SUGCT: variants seen among roughly 807,000 people sequenced by gnomAD.
The protein encoded by SUGCT is succinyl-CoA:glutarate-CoA transferase.
In SUGCT, 41 loss-of-function variants were observed where a neutral mutation model predicts 55.0. The observed-to-expected ratio is 0.74, with a 90% confidence interval of 0.58 to 0.97. The LOEUF (loss-of-function observed/expected upper bound fraction) is 0.97. Ranked by LOEUF, SUGCT falls within the 50% of genes least tolerant of loss-of-function variation. The pLI, the probability that SUGCT is intolerant of heterozygous loss-of-function variation, is 0.00. For synonymous variants in SUGCT, 187 were observed against 200.4 expected (o/e 0.93, Z 0.56); for missense variants, 568 against 547.8 (o/e 1.04, Z -0.37).
chr7:40,299,290 G>GGA (rs1025932903), intron 8 of SUGCT, among the ~76,000 whole-genome samples: 2 of 152,158 alleles, frequency 1.3e-5, no homozygotes, highest in Non-Finnish European at 2.9e-5. Context: ...TCCTGTCTGA[G>GGA]GAGAGAGTCA....
chr7:40,387,170 A>G (rs1054707817), intron 9 of SUGCT, among the ~76,000 whole-genome samples: 2 of 152,206 alleles, frequency 1.3e-5, no homozygotes, highest in Non-Finnish European at 2.9e-5. Flanking sequence ...TGTGATTTCA[A>G]TCTTTTGGGT....
chr7:40,710,759 A>AG (rs1463613342), intron 12 of SUGCT, among the ~76,000 whole-genome samples: 4 of 152,212 alleles, frequency 2.6e-5, no homozygotes, highest in African/African-American at 7.2e-5. Context: ...GATCAACCCC[A>AG]GGGCTCATCA....
rs375140900 is a variant in SUGCT at position 40,286,824 on chromosome 7, T to TTTCG, written c.720+12170_720+12171insCGTT. ...AGTAAGGAATCAGTAACAGGCTGTT[T>TTTCG]TTTGTTTGTTTGTTTGGCTGGGAAA... On this transcript the variant is annotated intron_variant, in intron 8 of 13. Transcript: ENST00000335693. 4.0e-5 allele frequency among the ~76,000 whole-genome samples: 6 copies of TTTCG among 151,618 alleles called. No homozygotes were observed. In the South Asian group the frequency reaches 1.2e-3, roughly 32 times the overall value.
At chr7:40,936,654 C>A in the SUGCT span, among the ~76,000 whole-genome samples, 2 of 151,144 alleles carry the variant, frequency 1.3e-5, no homozygotes, top group African/African-American at 2.4e-5. Context: ...GTTTAGTTAG[C>A]TTTTTTTTCT....
chr7:40,749,206 T>C (rs12667729), intron 12 of SUGCT, among the ~76,000 whole-genome samples: 3,081 of 152,338 alleles, frequency 0.02, 68 homozygotes, highest in South Asian at 0.12. Flanking sequence ...CTTATTGAAA[T>C]GTTTTCTAGT....
At chr7:40,640,422 T>TTATCTA (rs1800219116) in intron 12 of SUGCT, among the ~76,000 whole-genome samples, 1 of 152,094 alleles carries the variant, frequency 6.6e-6, no homozygotes, top group Non-Finnish European at 1.5e-5. Context: ...CATGCATGGC[T>TTATCTA]AATTCAACAA....
intron 1 of SUGCT, among the ~76,000 whole-genome samples, chr7:40,136,092 G>C (rs1787678337): frequency 6.6e-6 from 1 of 151,912 alleles, no homozygotes; most frequent in Non-Finnish European, 1.5e-5. Flanking sequence ...TGCCTCGCGG[G>C]TTCAAGCGAT....
chr7:40,875,646 TC>T, the SUGCT span, among the ~76,000 whole-genome samples: 1 of 152,242 alleles, frequency 6.6e-6, no homozygotes, highest in Non-Finnish European at 1.5e-5. Flanking sequence ...TTTCTAAACT[TC>T]CTGTAAGTCT....
At chr7:40,196,789 C>A (rs1332444582) in intron 6 of SUGCT, among the ~76,000 whole-genome samples, 2 of 152,150 alleles carry the variant, frequency 1.3e-5, no homozygotes, top group African/African-American at 4.8e-5. Context: ...ATTCTATTCC[C>A]AGTTCCACCT....
intron 6 of SUGCT, among the ~76,000 whole-genome samples, chr7:40,208,613 C>T (rs998855477): frequency 2.0e-5 from 3 of 151,600 alleles, no homozygotes; most frequent in African/African-American, 7.3e-5. Context: ...GGTGCGATCT[C>T]GGCTCACTGC....
At chr7:40,279,942 A>AT (rs1179315193) in intron 8 of SUGCT, among the ~76,000 whole-genome samples, 3 of 152,158 alleles carry the variant, frequency 2.0e-5, no homozygotes, top group Non-Finnish European at 1.5e-5. Context: ...AATGAATACA[A>AT]TTTCATGCAG....
At chr7:40,327,931 A>G (rs1368233490) in intron 9 of SUGCT, among the ~76,000 whole-genome samples, 2 of 152,182 alleles carry the variant, frequency 1.3e-5, no homozygotes, top group African/African-American at 2.4e-5. Context: ...CCACTTTCAC[A>G]TGTGGAAACT....
At chr7:40,739,774 C>T (rs968606124) in intron 12 of SUGCT, among the ~76,000 whole-genome samples, 1 of 152,114 alleles carries the variant, frequency 6.6e-6, no homozygotes, top group Non-Finnish European at 1.5e-5. Flanking sequence ...GTCTGTCTCT[C>T]TGCCAATATG....
the SUGCT span, among the ~76,000 whole-genome samples, chr7:40,992,103 G>A: frequency 6.6e-5 from 10 of 152,264 alleles, no homozygotes; most frequent in East Asian, 1.9e-3. Flanking sequence ...AGGGCTACTG[G>A]TTGGCTATGT....
the SUGCT span, among the ~76,000 whole-genome samples, chr7:40,902,597 A>G: frequency 6.8e-6 from 1 of 146,436 alleles, no homozygotes; most frequent in Admixed American, 6.8e-5. Flanking sequence ...AAAAAAAGAG[A>G]AAAAAAAACC....
intron 9 of SUGCT, among the ~76,000 whole-genome samples, chr7:40,398,526 T>C (rs1381893824): frequency 6.6e-6 from 1 of 151,896 alleles, no homozygotes; most frequent in African/African-American, 2.4e-5. Context: ...TTTTTTTTTT[T>C]TTTTTTCTAA....
At chr7:40,268,331 C>T (rs1272057322) in intron 7 of SUGCT, among the ~76,000 whole-genome samples, 1 of 152,178 alleles carries the variant, frequency 6.6e-6, no homozygotes, top group Admixed American at 6.5e-5. Flanking sequence ...GGACAGTTCA[C>T]GTAAATGGAA....
At chr7:40,480,333 A>C (rs113447101) in intron 11 of SUGCT, among the ~76,000 whole-genome samples, 1 of 152,090 alleles carries the variant, frequency 6.6e-6, no homozygotes, top group Non-Finnish European at 1.5e-5. Context: ...CTGTAGATGC[A>C]TGGATTTATT....
At chr7:40,821,927 T>A (rs1584489872) in intron 13 of SUGCT, among the ~76,000 whole-genome samples, 1 of 152,344 alleles carries the variant, frequency 6.6e-6, no homozygotes, top group Non-Finnish European at 1.5e-5. Context: ...CTCTACACAC[T>A]GCTTTAAATG....
Sources: allele counts gnomAD v4.1 joint callset (sites outside exome capture counted in the v4.1 genomes callset), GRCh38; gene constraint gnomAD v4.1.1; transcripts MANE v1.5; gene names NCBI Gene and HGNC (gene_info 2026-07-23, HGNC 2026-07-21).